The following CLCN3 variants were observed in gnomAD, a reference collection of about 807,000 sequenced individuals.
The protein encoded by CLCN3 is H(+)/Cl(-) exchange transporter 3.
CLCN3 carries 16 observed loss-of-function variants against 83.4 expected under a neutral mutation model. That is an observed-to-expected ratio of 0.19 (90% CI 0.13 to 0.29). The LOEUF is 0.29. Ranked by LOEUF, CLCN3 falls within the 10% of genes least tolerant of loss-of-function variation. The pLI is 1.00. For missense variants in CLCN3, 544 were observed against 1,006.0 expected (o/e 0.54, Z 6.21); for synonymous variants, 322 against 346.2 (o/e 0.93, Z 0.78).
chr4:169,695,722 T>C, intron 8 of CLCN3, 30 bp downstream of exon 8: 9 of 1,375,476 alleles, frequency 6.5e-6, no homozygotes, highest in African/African-American at 1.4e-5. Context: ...CAATTAAAAT[T>C]ATATATAATT....
In CLCN3 at chr4:169,649,352, AT is replaced by A. The variant is rs1730668544; in HGVS notation, c.160+13269del. Among the ~76,000 whole-genome samples the A allele has an allele frequency of 3.3e-5, 5 of 152,212 alleles. No homozygotes were observed. In the South Asian group the frequency reaches 1.0e-3, roughly 32 times the overall value. ...CAAGAGTGGTGGGAAACCACTGAAG[AT>A]TTTTGAATCAAGGGAATCATACGAA... On this transcript the variant is annotated intron_variant, in intron 2 of 12. Transcript: ENST00000513761.
chr4:169,717,804 G>A, intron 12 of CLCN3: 3 of 1,610,900 alleles, frequency 1.9e-6, no homozygotes, highest in Non-Finnish European at 1.7e-6. Context: ...TTGTCTTGGG[G>A]ATCATCACAA....
intron 1 of CLCN3, among the ~76,000 whole-genome samples, chr4:169,626,663 T>G (rs1185967256): frequency 2.0e-5 from 3 of 152,184 alleles, no homozygotes; most frequent in Non-Finnish European, 4.4e-5. Context: ...TGAGGTTTAA[T>G]GTGCCCCAAC....
intron 2 of CLCN3, among the ~76,000 whole-genome samples, chr4:169,672,218 AATGATAG>A (rs974169628): frequency 6.9e-5 from 9 of 131,280 alleles, no homozygotes; most frequent in African/African-American, 2.5e-4. Flanking sequence ...TCTCAAAATA[AATGATAG>A]ATAGATAGAT....
intron 10 of CLCN3, among the ~76,000 whole-genome samples, chr4:169,705,289 CTA>C (rs1732947320): frequency 6.6e-6 from 1 of 152,074 alleles, no homozygotes; most frequent in East Asian, 1.9e-4. Context: ...GAAATTGACT[CTA>C]GAGAGTATAT....
chr4:169,695,841 A>C (rs1468753054), intron 8 of CLCN3, 149 bp downstream of exon 8: 4 of 550,334 alleles, frequency 7.3e-6, no homozygotes, highest in Non-Finnish European at 1.2e-5. Context: ...ATTCTTAATA[A>C]AAAGTAAATG....
At chr4:169,624,353 T>C (rs1248143521) in intron 1 of CLCN3, among the ~76,000 whole-genome samples, 1 of 152,114 alleles carries the variant, frequency 6.6e-6, no homozygotes, top group East Asian at 1.9e-4. Context: ...AGGCTGGTCT[T>C]GAACTCCTGA....
chr4:169,707,326 C>T (rs1733033173), intron 11 of CLCN3, 60 bp downstream of exon 11: 1 of 1,283,676 alleles, frequency 7.8e-7, no homozygotes, highest in Non-Finnish European at 1.1e-6. Context: ...GAAAGGAAAG[C>T]AATAAGCAGT....
rs191793461 is a variant in CLCN3 at position 169,660,435 on chromosome 4, A to T, written c.161-19615A>T. The T allele has an allele frequency of 1.2e-3, 1,679 of 1,377,732 alleles. 2 individuals are homozygous for T. Among genetic ancestry groups the T allele is most frequent in the Non-Finnish European group, 1.5e-3 (1,577 of 1,073,590 alleles). 85.3% of individuals were successfully genotyped at this position (1,377,732 alleles called of 1,614,324 possible). A position where few individuals can be genotyped will look rare whatever the true frequency, so the allele number is the denominator to read the frequency against. ...GAGGAGACAGTATTCCCCTGAGGGA[A>T]TTACATAAAAGAGGTAATACTATCC... On this transcript the variant is annotated intron_variant, in intron 2 of 12. Coordinates refer to ENST00000513761, the MANE Select transcript of CLCN3 (RefSeq NM_001829.4).
chr4:169,709,962 G>T (rs1251416783), intron 11 of CLCN3, among the ~76,000 whole-genome samples: 1 of 151,920 alleles, frequency 6.6e-6, no homozygotes, highest in Non-Finnish European at 1.5e-5. Flanking sequence ...TCTGGGTGTG[G>T]TGGTGCCACC....
chr4:169,668,447 C>G (rs76598386), intron 2 of CLCN3, among the ~76,000 whole-genome samples: 237 of 152,242 alleles, frequency 1.6e-3, no homozygotes, highest in Middle Eastern at 0.014. Context: ...ACATACAATA[C>G]TCTAGTAGAA....
chr4:169,652,869 T>C (rs984974056), intron 2 of CLCN3, among the ~76,000 whole-genome samples: 1 of 152,234 alleles, frequency 6.6e-6, no homozygotes, highest in Non-Finnish European at 1.5e-5. Context: ...TGTAGCATCT[T>C]TTCATGTCTA....
intron 2 of CLCN3, among the ~76,000 whole-genome samples, chr4:169,666,981 T>A (rs977951297): frequency 2.6e-5 from 4 of 152,238 alleles, no homozygotes; most frequent in Admixed American, 2.6e-4. Flanking sequence ...TAGATAACAG[T>A]GGCCTCTACA....
intron 2 of CLCN3, among the ~76,000 whole-genome samples, chr4:169,656,501 C>A (rs181143993): frequency 1.9e-3 from 287 of 152,260 alleles, no homozygotes; most frequent in Admixed American, 3.1e-3. Context: ...TACCTCCCTC[C>A]AGGCCCCGCC....
intron 2 of CLCN3, among the ~76,000 whole-genome samples, chr4:169,667,167 A>G (rs1731275679): frequency 6.6e-6 from 1 of 152,078 alleles, no homozygotes; most frequent in Admixed American, 6.5e-5. Context: ...GCTAATTTTT[A>G]TATATGGTGT....
In CLCN3 at chr4:169,680,210, A is replaced by C. The variant is rs1436787620; in HGVS notation, c.318+3A>C. ...AAGACAGAGAAAGGCATAGACGGGT[A>C]AGTGTTTTTAGTAAAAATTTTTAAA... On this transcript the variant is annotated splice_donor_region_variant and intron_variant, in intron 3 of 12. Transcript: ENST00000513761. 1 of 1,603,244 alleles carries C rather than the reference A, an allele frequency of 6.2e-7. No individual in the cohort carries two copies. The highest frequency in any genetic ancestry group is 8.5e-7 in the Non-Finnish European group (1 of 1,175,634).
At chr4:169,710,733 AGT>A (rs1159996507) in intron 11 of CLCN3, among the ~76,000 whole-genome samples, 1 of 152,190 alleles carries the variant, frequency 6.6e-6, no homozygotes, top group Non-Finnish European at 1.5e-5. Flanking sequence ...TCATTGATAC[AGT>A]GTTTGTTATT....
chr4:169,636,117 G>T, intron 2 of CLCN3, 29 bp downstream of exon 2: 1 of 1,579,070 alleles, frequency 6.3e-7, no homozygotes. Flanking sequence ...CCTAATGTTT[G>T]TATTCATGAA....
chr4:169,703,631 C>T (rs1450068009), intron 9 of CLCN3, among the ~76,000 whole-genome samples: 1 of 151,000 alleles, frequency 6.6e-6, no homozygotes, highest in Non-Finnish European at 1.5e-5. Flanking sequence ...CAACTGTCAC[C>T]CAAGTAGTAT....
Sources: gnomAD v4.1 joint callset for allele counts (sites outside exome capture counted in the v4.1 genomes callset) on GRCh38, gnomAD v4.1.1 for gene constraint, MANE v1.5 for transcripts, NCBI Gene and HGNC (gene_info 2026-07-23, HGNC 2026-07-21) for gene names.